Variants in KCNT2 observed in about 807,000 individuals in gnomAD.
The protein encoded by KCNT2 is potassium sodium-activated channel subfamily T member 2.
Under a neutral mutation model 153.8 loss-of-function variants are expected in KCNT2, and 67 were observed. The ratio of observed to expected loss-of-function variants is 0.44; its 90% CI spans 0.36 to 0.53. KCNT2 has a LOEUF of 0.53. Among genes scored for constraint, KCNT2 ranks in the 20% least tolerant of loss-of-function variants. The probability of loss-of-function intolerance (pLI) is 0.00; values close to 1 mark genes in which losing one functional copy is unlikely to be tolerated. For synonymous variants in KCNT2, 500 were observed against 458.8 expected (o/e 1.09, Z -1.15); for missense variants, 975 against 1,354.8 (o/e 0.72, Z 4.40).
chr1:196,260,187 A>G (rs969624452), intron 25 of KCNT2, among the ~76,000 whole-genome samples: 1 of 151,790 alleles, frequency 6.6e-6, no homozygotes, highest in African/African-American at 2.4e-5. Flanking sequence ...TGATAGTTTG[A>G]TTTCCTACAA....
intron 26 of KCNT2, among the ~76,000 whole-genome samples, chr1:196,238,573 A>C (rs1037868103): frequency 2.0e-5 from 3 of 151,942 alleles, no homozygotes; most frequent in Non-Finnish European, 4.4e-5. Flanking sequence ...GAATTTGCTG[A>C]CTTCAAAGCT....
At chr1:196,257,306 A>C in intron 26 of KCNT2, 1 of 982,968 alleles carries the variant, frequency 1.0e-6, no homozygotes, top group Non-Finnish European at 1.2e-6. Flanking sequence ...ACTTCTCTTA[A>C]ACTCTAATTC....
intron 8 of KCNT2, 29 bp from the exon 9 acceptor site, chr1:196,429,786 A>G (rs772141333): frequency 1.1e-5 from 16 of 1,487,068 alleles, no homozygotes; most frequent in Admixed American, 2.1e-5. Flanking sequence ...ATTACAATTA[A>G]ATCTTTCAAA....
intron 1 of KCNT2, among the ~76,000 whole-genome samples, chr1:196,566,461 G>A (rs1418302986): frequency 6.6e-6 from 1 of 152,082 alleles, no homozygotes. Flanking sequence ...TCAAAGATAT[G>A]TTTATGAGTA....
At chr1:196,517,252 C>T (rs1009885066) in intron 1 of KCNT2, among the ~76,000 whole-genome samples, 10 of 152,268 alleles carry the variant, frequency 6.6e-5, no homozygotes, top group African/African-American at 1.9e-4. Flanking sequence ...TAATACCATG[C>T]TGCCCCCACT....
At chr1:196,558,015 T>G (rs1658904222) in intron 1 of KCNT2, among the ~76,000 whole-genome samples, 2 of 151,386 alleles carry the variant, frequency 1.3e-5, no homozygotes, top group Admixed American at 6.6e-5. Flanking sequence ...CTGTAATATT[T>G]TATCTCACTG....
chr1:196,234,023 T>C (rs1011789919), intron 27 of KCNT2, among the ~76,000 whole-genome samples: 50 of 151,322 alleles, frequency 3.3e-4, no homozygotes, highest in Non-Finnish European at 8.9e-5. Context: ...CAAGACTTCA[T>C]TGTATATTTC....
intron 9 of KCNT2, 60 bp from the exon 10 acceptor site, chr1:196,428,329 C>G: frequency 8.5e-7 from 1 of 1,170,080 alleles, no homozygotes; most frequent in South Asian, 1.3e-5. Context: ...TAAATCAATG[C>G]AATACATCTA....
At chr1:196,273,467 C>T (rs1484829515) in intron 25 of KCNT2, 1 of 1,529,024 alleles carries the variant, frequency 6.5e-7, no homozygotes, top group South Asian at 1.2e-5. Flanking sequence ...AAAATACTTA[C>T]TTGTGATGCT....
intron 1 of KCNT2, among the ~76,000 whole-genome samples, chr1:196,526,420 G>T (rs1052692096): frequency 6.7e-6 from 1 of 150,208 alleles, no homozygotes; most frequent in Admixed American, 6.7e-5. Flanking sequence ...AGTATTACTC[G>T]CTCTGAGTCT....
chr1:196,436,872 A>G (rs1449572620), intron 8 of KCNT2, among the ~76,000 whole-genome samples: 1 of 148,684 alleles, frequency 6.7e-6, no homozygotes. Flanking sequence ...ATTATATATT[A>G]CATTAAAAGT....
At chr1:196,502,122 TA>T (rs1387537331) in intron 1 of KCNT2, among the ~76,000 whole-genome samples, 1 of 152,004 alleles carries the variant, frequency 6.6e-6, no homozygotes, top group Non-Finnish European at 1.5e-5. Flanking sequence ...ATCTCAAAAA[TA>T]AATTAAAAAA....
chr1:196,449,108 A>C (rs1675936345), intron 8 of KCNT2, among the ~76,000 whole-genome samples: 3 of 151,870 alleles, frequency 2.0e-5, no homozygotes, highest in Admixed American at 2.0e-4. Context: ...TGGGGAGAAC[A>C]GTTAAAGCAT....
intron 16 of KCNT2, among the ~76,000 whole-genome samples, chr1:196,339,615 G>C (rs1665413297): frequency 6.6e-6 from 1 of 151,806 alleles, no homozygotes; most frequent in Non-Finnish European, 1.5e-5. Context: ...GTTAGGTAAT[G>C]AGGAGGGATT....
intron 1 of KCNT2, among the ~76,000 whole-genome samples, chr1:196,540,511 T>C (rs563756013): frequency 3.3e-5 from 5 of 152,294 alleles, no homozygotes; most frequent in African/African-American, 9.6e-5. Flanking sequence ...ATTTTTCTGT[T>C]TGTGTCTTTG....
chr1:196,385,756 A>T (rs908137314), intron 13 of KCNT2, among the ~76,000 whole-genome samples: 5 of 117,054 alleles, frequency 4.3e-5, no homozygotes, highest in African/African-American at 1.3e-4. Flanking sequence ...GTATGGCACC[A>T]TTTCTGCATT....
chr1:196,426,941 C>T (rs745773442), intron 10 of KCNT2, among the ~76,000 whole-genome samples: 1 of 151,918 alleles, frequency 6.6e-6, no homozygotes, highest in Non-Finnish European at 1.5e-5. Context: ...CATAAGTTTC[C>T]TTAGGCCTCC....
chr1:196,412,011 G>T (rs1672381115), intron 12 of KCNT2, among the ~76,000 whole-genome samples: 1 of 151,570 alleles, frequency 6.6e-6, no homozygotes, highest in African/African-American at 2.4e-5. Flanking sequence ...AACCATTTTT[G>T]CATTCCAAGG....
At chr1:196,595,298 T>G (rs1424496859) in intron 1 of KCNT2, among the ~76,000 whole-genome samples, 1 of 152,116 alleles carries the variant, frequency 6.6e-6, no homozygotes, top group Non-Finnish European at 1.5e-5. Flanking sequence ...TAATTCACTA[T>G]AATTGAAATA....
Sources: gnomAD v4.1 joint callset for allele counts (sites outside exome capture counted in the v4.1 genomes callset) on GRCh38, gnomAD v4.1.1 for gene constraint, MANE v1.5 for transcripts, NCBI Gene and HGNC (gene_info 2026-07-23, HGNC 2026-07-21) for gene names.